The following RUNDC3B variants were observed in gnomAD, a reference collection of about 807,000 sequenced individuals.
RUNDC3B encodes RUN domain containing 3B, also known as RUN domain-containing protein 3B.
Under a neutral mutation model 58.4 loss-of-function variants are expected in RUNDC3B, and 33 were observed. The observed-to-expected ratio is 0.56, with a 90% CI of 0.43 to 0.75. The LOEUF (loss-of-function observed/expected upper bound fraction) is 0.75. Ranked by LOEUF, RUNDC3B falls within the 30% of genes least tolerant of loss-of-function variation. The pLI is 0.00. For synonymous variants in RUNDC3B, 193 were observed against 195.2 expected (o/e 0.99, Z 0.10); for missense variants, 501 against 535.7 (o/e 0.94, Z 0.64).
intron 8 of RUNDC3B, among the ~76,000 whole-genome samples, chr7:87,794,815 A>G (rs1835728728): frequency 6.6e-6 from 1 of 152,186 alleles, no homozygotes; most frequent in African/African-American, 2.4e-5. Context: ...TAGACAACCA[A>G]GAAACAAATC....
chr7:87,795,260 G>A (rs1227428409), intron 8 of RUNDC3B, among the ~76,000 whole-genome samples: 2 of 152,098 alleles, frequency 1.3e-5, no homozygotes, highest in Non-Finnish European at 2.9e-5. Flanking sequence ...AGAATATAAG[G>A]AATTCAAACA....
Position 87,830,600 on chromosome 7 carries a change from A to G in RUNDC3B, c.*570A>G, listed in dbSNP as rs867552059. ...AATATTTACCATTTGGTATCAATTCAGCATTCCACTTAACATTTTATAAAT... is the reference window on the plus strand; with the variant it reads ...AATATTTACCATTTGGTATCAATTCGGCATTCCACTTAACATTTTATAAAT... On this transcript the variant is annotated 3_prime_UTR_variant, in exon 11 of 11. Coordinates refer to ENST00000394654, the MANE Select transcript of RUNDC3B (RefSeq NM_001134405.2). 1 of 152,010 alleles carries G rather than the reference A, an allele frequency of 6.6e-6. No homozygotes were observed. 9.4% of individuals were successfully genotyped at this position (152,010 alleles called of 1,614,324 possible).
chr7:87,808,810 C>A (rs1836566515), intron 9 of RUNDC3B, among the ~76,000 whole-genome samples: 1 of 151,936 alleles, frequency 6.6e-6, no homozygotes, highest in Non-Finnish European at 1.5e-5. Flanking sequence ...TATTTTATTT[C>A]TATTTTTAAT....
chr7:87,802,786 C>T (rs1433402897), intron 8 of RUNDC3B, among the ~76,000 whole-genome samples: 3 of 152,176 alleles, frequency 2.0e-5, no homozygotes, highest in African/African-American at 4.8e-5. Flanking sequence ...AGGCGCTCCA[C>T]CTGAGCCCAG....
At chr7:87,644,661 T>C (rs1822801757) in intron 1 of RUNDC3B, among the ~76,000 whole-genome samples, 1 of 152,160 alleles carries the variant, frequency 6.6e-6, no homozygotes, top group Non-Finnish European at 1.5e-5. Context: ...TTGAACATTT[T>C]TTTTCCTGAA....
In RUNDC3B at chr7:87,747,292, G is replaced by T. The variant is rs6969859; in HGVS notation, c.629+5713G>T. ...GTCTACTTGGCTCTTGGCTTCTACT[G>T]GGGGGGTGTGTGCACAGAGTCCTGT... is the stretch of plus-strand genomic sequence containing the variant. On this transcript the variant is annotated intron_variant, in intron 6 of 10. Coordinates refer to ENST00000394654, the MANE Select transcript of RUNDC3B (RefSeq NM_001134405.2). Among the ~76,000 whole-genome samples, 5 of 151,572 alleles carry T rather than the reference G, an allele frequency of 3.3e-5. 1 individual carries two copies. Among genetic ancestry groups the T allele is most frequent in the East Asian group, 4.2e-4 (2 of 4,714 alleles).
At chr7:87,695,123 T>C (rs191562574) in intron 2 of RUNDC3B, among the ~76,000 whole-genome samples, 2 of 152,260 alleles carry the variant, frequency 1.3e-5, no homozygotes, top group Non-Finnish European at 2.9e-5. Flanking sequence ...AGATTCTGAC[T>C]TCCTCAGATT....
chr7:87,783,171 GTT>G (rs891947987), intron 8 of RUNDC3B, among the ~76,000 whole-genome samples: 2 of 151,588 alleles, frequency 1.3e-5, no homozygotes, highest in East Asian at 1.9e-4. Context: ...GTGTGCATGT[GTT>G]TGTGTATGTG....
intron 4 of RUNDC3B, among the ~76,000 whole-genome samples, chr7:87,731,203 C>A (rs997298514): frequency 3.9e-5 from 6 of 152,010 alleles, no homozygotes; most frequent in African/African-American, 1.4e-4. Flanking sequence ...GGCATCAAGA[C>A]CATCCAGGAA....
At chr7:87,710,548 G>T in intron 3 of RUNDC3B, 22 bp from the exon 4 acceptor site, 4 of 1,406,162 alleles carry the variant, frequency 2.8e-6, no homozygotes, top group South Asian at 2.6e-5. Flanking sequence ...TTTTATATTT[G>T]ATTCTTTCTT....
chr7:87,750,224 C>G (rs1043928902), intron 6 of RUNDC3B, among the ~76,000 whole-genome samples: 3 of 152,132 alleles, frequency 2.0e-5, no homozygotes, highest in African/African-American at 7.2e-5. Context: ...TTTTTTATGG[C>G]TTCATAGTAT....
chr7:87,828,525 C>G (rs143349419), intron 10 of RUNDC3B, among the ~76,000 whole-genome samples: 2 of 152,298 alleles, frequency 1.3e-5, no homozygotes, highest in East Asian at 3.9e-4. Flanking sequence ...CCTCTAGTTT[C>G]ATCCATGTTG....
intron 6 of RUNDC3B, among the ~76,000 whole-genome samples, chr7:87,770,308 G>A (rs779356475): frequency 2.0e-5 from 3 of 151,726 alleles, no homozygotes; most frequent in Non-Finnish European, 4.4e-5. Context: ...CTCTCTTTTG[G>A]GCATTCTTGG....
At chr7:87,824,850 T>G (rs1271207265) in intron 10 of RUNDC3B, among the ~76,000 whole-genome samples, 3 of 152,164 alleles carry the variant, frequency 2.0e-5, no homozygotes, top group African/African-American at 7.2e-5. Context: ...CCATAGAGAC[T>G]TGTGGAACTT....
intron 8 of RUNDC3B, among the ~76,000 whole-genome samples, chr7:87,792,846 T>C (rs1310880457): frequency 6.6e-6 from 1 of 151,334 alleles, no homozygotes; most frequent in Non-Finnish European, 1.5e-5. Context: ...AAAGAAATAA[T>C]AAAGTGCAGA....
intron 6 of RUNDC3B, among the ~76,000 whole-genome samples, chr7:87,762,081 T>C (rs1423571441): frequency 6.6e-6 from 1 of 151,732 alleles, no homozygotes. Context: ...TTGTTTTTAG[T>C]TATGAATACT....
intron 10 of RUNDC3B, among the ~76,000 whole-genome samples, chr7:87,817,185 C>A (rs1041686496): frequency 6.6e-5 from 10 of 152,138 alleles, no homozygotes; most frequent in Non-Finnish European, 1.3e-4. Context: ...TTTCTCCTTA[C>A]AATTACAGTC....
Position 87,679,860 on chromosome 7 carries a change from A to T in RUNDC3B, c.239-20561A>T, listed in dbSNP as rs1318042662. Among the ~76,000 whole-genome samples the T allele has an allele frequency of 2.0e-5, 3 of 150,810 alleles. 1 individual carries two copies. The highest frequency in any genetic ancestry group is 7.4e-5 in the African/African-American group (3 of 40,642). On this transcript the variant is annotated intron_variant, in intron 2 of 10. Transcript: ENST00000394654. ...AAAGTATGTTCTCTGTAATGGAATGAAACTAGATGTCAAGAACAGAAGATA... is the reference window on the plus strand; with the variant it reads ...AAAGTATGTTCTCTGTAATGGAATGTAACTAGATGTCAAGAACAGAAGATA...
chr7:87,652,621 G>GATAT (rs373344881), intron 2 of RUNDC3B, among the ~76,000 whole-genome samples: 14,054 of 125,212 alleles, frequency 0.11, 983 homozygotes, highest in Admixed American at 0.2. Flanking sequence ...TGTGGTCACT[G>GATAT]ATATATATAT....
Sources: gnomAD v4.1 joint callset for allele counts (sites outside exome capture counted in the v4.1 genomes callset) on GRCh38, gnomAD v4.1.1 for gene constraint, MANE v1.5 for transcripts, NCBI Gene and HGNC (gene_info 2026-07-23, HGNC 2026-07-21) for gene names.